BARX2: variants seen among roughly 807,000 people sequenced by gnomAD.
BARX2 encodes BARX homeobox 2.
BARX2 carries 11 observed loss-of-function variants against 25.5 expected under a neutral mutation model. The ratio of observed to expected loss-of-function variants is 0.43; its 90% confidence interval spans 0.27 to 0.71. The LOEUF is 0.71. BARX2 is among the 30% of genes least tolerant of loss of function. The pLI is 0.19. For missense variants in BARX2, 360 were observed against 359.9 expected (o/e 1.00, Z 0.00); for synonymous variants, 137 against 149.5 (o/e 0.92, Z 0.61).
At chr11:129,451,100 T>C in intron 3 of BARX2, 36 bp from the exon 4 acceptor site, 2 of 1,598,892 alleles carry the variant, frequency 1.3e-6, no homozygotes, top group Non-Finnish European at 1.7e-6. Flanking sequence ...GAAGGAATTA[T>C]TTCTTAGATT....
chr11:129,394,454 A>T lies in BARX2; in HGVS notation c.187+18232A>T, dbSNP rs527345766. 1.6e-4 allele frequency among the ~76,000 whole-genome samples: 25 copies of T among 152,312 alleles called. 1 individual carries two copies. Among genetic ancestry groups the T allele is most frequent in the African/African-American group, 5.8e-4 (24 of 41,570 alleles). ...TAATATCTGCGCCTTGAACAAACAG[A>T]TGTAGTTTTTATTTTAGGACGCATG... On this transcript the variant is annotated intron_variant, in intron 1 of 3. Coordinates refer to ENST00000281437, the MANE Select transcript of BARX2 (RefSeq NM_003658.5).
In BARX2 at chr11:129,383,866, TTTTG is replaced by T. The variant is rs139263654; in HGVS notation, c.187+7648_187+7651del. On this transcript the variant is annotated intron_variant, in intron 1 of 3. Transcript: ENST00000281437. The stretch of plus-strand genomic sequence containing the variant: ...TGAGGAAAGATGAGTATTTTCTGTT[TTTTG>T]TTTTTTTGTTTGTTTGTTTTTGAGA... Among the ~76,000 whole-genome samples, 586 of 152,206 alleles carry T rather than the reference TTTTG, an allele frequency of 3.9e-3. 5 individuals carry two copies. Among genetic ancestry groups the T allele is most frequent in the African/African-American group, 0.014 (566 of 41,536 alleles).
intron 1 of BARX2, among the ~76,000 whole-genome samples, chr11:129,389,362 G>A (rs912443691): frequency 6.6e-6 from 1 of 152,276 alleles, no homozygotes; most frequent in South Asian, 2.1e-4. Context: ...GGGTTACAGC[G>A]ACACTAGCTG....
intron 1 of BARX2, among the ~76,000 whole-genome samples, chr11:129,426,326 CA>C (rs929986451): frequency 2.0e-5 from 3 of 151,974 alleles, no homozygotes; most frequent in African/African-American, 7.2e-5. Context: ...TAAGACAGGG[CA>C]AAGTAACTTA....
At chr11:129,415,196 C>G (rs11822939) in intron 1 of BARX2, among the ~76,000 whole-genome samples, 1 of 152,048 alleles carries the variant, frequency 6.6e-6, no homozygotes, top group Non-Finnish European at 1.5e-5. Context: ...CAGGCTCTTA[C>G]TACATGTTTT....
Position 129,436,543 on chromosome 11 carries a change from A to G in BARX2, c.188-208A>G, listed in dbSNP as rs1482267774. 1.5e-5 allele frequency: 7 copies of G among 474,926 alleles called. No individual in the cohort carries two copies. The highest frequency in any genetic ancestry group is 1.4e-4 in the African/African-American group (7 of 51,350). The allele number at this position is 474,926 out of a possible 1,614,324, so 29.4% of individuals were successfully genotyped here. ...GAACCTCTTCTGGGCCGTGGGCTTC[A>G]TCTTCCCACACAGAGCAGAGCAGAC... On this transcript the variant is annotated intron_variant, in intron 1 of 3. Coordinates refer to ENST00000281437, the MANE Select transcript of BARX2 (RefSeq NM_003658.5). The surrounding 1 kb of genome is among the most constrained non-coding windows in gnomAD (Gnocchi z 4.5).
chr11:129,410,441 T>C (rs557785349), intron 1 of BARX2, among the ~76,000 whole-genome samples: 1 of 152,364 alleles, frequency 6.6e-6, no homozygotes, highest in South Asian at 2.1e-4. Context: ...CCAGTTTCCT[T>C]TTTTCCACCT....
chr11:129,417,870 A>C (rs184631471), intron 1 of BARX2, among the ~76,000 whole-genome samples: 3 of 152,192 alleles, frequency 2.0e-5, no homozygotes, highest in Admixed American at 2.0e-4. Context: ...CTATTTTCTG[A>C]TGCAGTTTCA....
intron 2 of BARX2, among the ~76,000 whole-genome samples, chr11:129,440,209 C>T (rs182692963): frequency 3.9e-5 from 6 of 152,294 alleles, no homozygotes; most frequent in Admixed American, 6.5e-5. Flanking sequence ...GAATTTGTAA[C>T]GGTGGCAGGT....
At chr11:129,416,997 G>A (rs1861951567) in intron 1 of BARX2, among the ~76,000 whole-genome samples, 1 of 151,800 alleles carries the variant, frequency 6.6e-6, no homozygotes, top group South Asian at 2.1e-4. Context: ...CGCCTCCCGG[G>A]TTCACGCCAT....
intron 3 of BARX2, among the ~76,000 whole-genome samples, chr11:129,447,937 A>G (rs1211252880): frequency 6.6e-6 from 1 of 152,242 alleles, no homozygotes; most frequent in African/African-American, 2.4e-5. Context: ...TGAAATCAAA[A>G]TCAGATAATG....
chr11:129,422,759 A>G (rs1242373915), intron 1 of BARX2, among the ~76,000 whole-genome samples: 1 of 148,394 alleles, frequency 6.7e-6, no homozygotes, highest in Non-Finnish European at 1.5e-5. Flanking sequence ...ACTGGAGTGC[A>G]ATGGCACCAT....
chr11:129,420,431 C>G (rs968739301), intron 1 of BARX2, among the ~76,000 whole-genome samples: 2 of 152,202 alleles, frequency 1.3e-5, no homozygotes, highest in Non-Finnish European at 2.9e-5. Context: ...GGCCTGAGCT[C>G]TGTTTCTAGT....
At chr11:129,445,654 G>A (rs1490713340) in intron 3 of BARX2, among the ~76,000 whole-genome samples, 1 of 152,128 alleles carries the variant, frequency 6.6e-6, no homozygotes, top group Non-Finnish European at 1.5e-5. Context: ...ACATTCATCA[G>A]GCCATGGAGA....
chr11:129,411,985 G>A (rs1591436711), intron 1 of BARX2, among the ~76,000 whole-genome samples: 1 of 152,126 alleles, frequency 6.6e-6, no homozygotes, highest in Non-Finnish European at 1.5e-5. Context: ...CAAAGAAGTA[G>A]TTTATGGCCG....
chr11:129,413,080 C>T (rs191021970), intron 1 of BARX2, among the ~76,000 whole-genome samples: 2 of 152,144 alleles, frequency 1.3e-5, no homozygotes, highest in Admixed American at 1.3e-4. Context: ...TTGAGTTTTG[C>T]CTTAAAGAAC....
intron 1 of BARX2, among the ~76,000 whole-genome samples, chr11:129,425,808 T>C (rs372757891): frequency 6.6e-6 from 1 of 152,216 alleles, no homozygotes; most frequent in East Asian, 1.9e-4. Context: ...TCTTCATTTT[T>C]CTAAATCTCC....
At chr11:129,438,869 G>A (rs1294500682) in intron 2 of BARX2, among the ~76,000 whole-genome samples, 1 of 152,202 alleles carries the variant, frequency 6.6e-6, no homozygotes, top group African/African-American at 2.4e-5. Context: ...AGGCTTCTCA[G>A]AGGAGGTAAC....
At chr11:129,379,594 T>C (rs1458549581) in intron 1 of BARX2, among the ~76,000 whole-genome samples, 4 of 152,176 alleles carry the variant, frequency 2.6e-5, no homozygotes, top group Non-Finnish European at 5.9e-5. Context: ...GTAGAATAGT[T>C]TGTGGAAGCA....
Sources: allele counts gnomAD v4.1 joint callset (sites outside exome capture counted in the v4.1 genomes callset), GRCh38; gene constraint gnomAD v4.1.1; non-coding constraint Gnocchi (gnomAD v3.1); transcripts MANE v1.5; gene names NCBI Gene and HGNC (gene_info 2026-07-23, HGNC 2026-07-21).